The following NDUFA7 variants were observed in gnomAD, a reference collection of about 807,000 sequenced individuals.
NDUFA7 encodes the protein NADH:ubiquinone oxidoreductase subunit A7, also known as NADH dehydrogenase [ubiquinone] 1 alpha subcomplex subunit 7.
In NDUFA7, 18 loss-of-function variants were observed where a neutral mutation model predicts 14.2. That is an observed-to-expected ratio of 1.27 (90% CI 0.88 to 1.88). The LOEUF (loss-of-function observed/expected upper bound fraction) is 1.88. Ranked by LOEUF, NDUFA7 falls within the 40% of genes most tolerant of loss-of-function variation. The pLI, the probability that NDUFA7 is intolerant of heterozygous loss-of-function variation, is 0.00. For missense variants in NDUFA7, 172 were observed against 147.3 expected, an observed-to-expected ratio of 1.17 and a Z score of -0.87; for synonymous variants, 75 against 62.1, an observed-to-expected ratio of 1.21 and a Z score of -0.98.
chr19:8,313,867 G>T (rs1194262103), intron 3 of NDUFA7, among the ~76,000 whole-genome samples: 1 of 152,242 alleles, frequency 6.6e-6, no homozygotes, highest in Non-Finnish European at 1.5e-5. Flanking sequence ...TCTGTGCCAG[G>T]CTCCAAGAGT....
At chr19:8,314,696 G>A (rs1206918644) in intron 3 of NDUFA7, among the ~76,000 whole-genome samples, 2 of 152,206 alleles carry the variant, frequency 1.3e-5, no homozygotes, top group East Asian at 3.8e-4. Context: ...GGCAGATCAT[G>A]AGATCAGGAG....
At chr19:8,310,623 T>C (rs1970166436), downstream of NDUFA7, 1 of 152,188 alleles carries the variant, frequency 6.6e-6, no homozygotes, top group Non-Finnish European at 1.5e-5. Context: ...GAAAGGGCAG[T>C]GCTGTCTCCA....
At position 8,311,287 on chromosome 19, in the gene NDUFA7, C is replaced by T; in HGVS notation, c.*218G>A. The T allele has an allele frequency of 2.8e-6, 1 of 360,438 alleles. No individual in the cohort carries two copies. The highest frequency in any genetic ancestry group is 5.1e-6 in the Non-Finnish European group (1 of 196,016). 22.3% of individuals were successfully genotyped at this position (360,438 alleles called of 1,614,324 possible). On this transcript the variant is annotated 3_prime_UTR_variant, in exon 4 of 4. Transcript: ENST00000301457. ...AGGTGTGGTGGCTCATGCCTGTAAT[C>T]CCAGCACTTTGGGAGGTCAAGGCAG...
chr19:8,318,557 T>C (rs1022155120), intron 2 of NDUFA7, among the ~76,000 whole-genome samples: 4 of 150,240 alleles, frequency 2.7e-5, no homozygotes, highest in African/African-American at 9.9e-5. Context: ...TCCCAGCTAC[T>C]TGGTACGCTG....
chr19:8,320,370 A>G (rs544334788), intron 2 of NDUFA7, among the ~76,000 whole-genome samples: 2 of 152,296 alleles, frequency 1.3e-5, no homozygotes, highest in Admixed American at 6.5e-5. Flanking sequence ...TGTGGCGTCC[A>G]TGAAAGAATG....
intron 3 of NDUFA7, among the ~76,000 whole-genome samples, chr19:8,315,896 T>C (rs1410468210): frequency 1.3e-5 from 2 of 151,962 alleles, no homozygotes; most frequent in Non-Finnish European, 2.9e-5. Flanking sequence ...GGGTCACGCC[T>C]GTAATCCTAG....
intron 3 of NDUFA7, among the ~76,000 whole-genome samples, chr19:8,314,729 C>G (rs965086287): frequency 2.0e-5 from 3 of 152,144 alleles, no homozygotes; most frequent in South Asian, 2.1e-4. Flanking sequence ...CTGGCTAACA[C>G]GGTGAAACCC....
intron 3 of NDUFA7, 59 bp downstream of exon 3, chr19:8,316,435 GAC>G (rs561540825): frequency 8.9e-5 from 141 of 1,591,256 alleles, no homozygotes; most frequent in Non-Finnish European, 1.1e-4. Flanking sequence ...CAAGTTGGGA[GAC>G]AGAGTGGGTT....
intron 3 of NDUFA7, 22 bp from the exon 4 acceptor site, chr19:8,311,617 G>C (rs201843153): frequency 6.3e-7 from 1 of 1,599,262 alleles, no homozygotes; most frequent in Non-Finnish European, 8.6e-7. Flanking sequence ...AAAGACTTCA[G>C]TGAGGGTTTC....
downstream of NDUFA7, among the ~76,000 whole-genome samples, chr19:8,309,524 G>A (rs556328817): frequency 2.0e-5 from 3 of 151,752 alleles, no homozygotes; most frequent in African/African-American, 4.8e-5. Context: ...TGCCGTCAGC[G>A]GCATGCCTTG....
downstream of NDUFA7, among the ~76,000 whole-genome samples, chr19:8,310,025 C>T (rs1339539859): frequency 6.6e-6 from 1 of 152,242 alleles, no homozygotes; most frequent in Non-Finnish European, 1.5e-5. Context: ...GCAGCCCTTA[C>T]TGTCCTCTGC....
In NDUFA7 at chr19:8,311,314, AG is replaced by A. The variant is rs1970173916; in HGVS notation, c.*190del. ...CAGCACTTTGGGAGGTCAAGGCAGG[AG>A]GATCGCTTGAGGCCAGGAGTTCAAG... On this transcript the variant is annotated 3_prime_UTR_variant, in exon 4 of 4. Coordinates refer to ENST00000301457, the MANE Select transcript of NDUFA7 (RefSeq NM_005001.5). 2.3e-6 allele frequency: 1 copy of A among 428,784 alleles called. No individual in the cohort carries two copies. Among genetic ancestry groups the A allele is most frequent in the South Asian group, 2.8e-5 (1 of 35,678 alleles). 26.6% of individuals were successfully genotyped at this position (428,784 alleles called of 1,614,324 possible). A position where few individuals can be genotyped will look rare whatever the true frequency, so the allele number is the denominator to read the frequency against.
At chr19:8,319,677 T>C (rs1437453697) in intron 2 of NDUFA7, 1 of 152,132 alleles carries the variant, frequency 6.6e-6, no homozygotes, top group Non-Finnish European at 1.5e-5. Context: ...TTTTCTTCCT[T>C]TCATTATAAT....
intron 3 of NDUFA7, among the ~76,000 whole-genome samples, chr19:8,314,770 A>G (rs1464282507): frequency 6.6e-6 from 1 of 152,066 alleles, no homozygotes; most frequent in Non-Finnish European, 1.5e-5. Flanking sequence ...AAACTTAGCC[A>G]GGTGTAGTGG....
intron 3 of NDUFA7, among the ~76,000 whole-genome samples, chr19:8,313,666 G>A (rs528761662): frequency 3.3e-5 from 5 of 152,340 alleles, no homozygotes; most frequent in East Asian, 3.9e-4. Context: ...TGCCCACACC[G>A]TGAGTTGGCT....
intron 2 of NDUFA7, among the ~76,000 whole-genome samples, chr19:8,320,441 G>C (rs904753680): frequency 2.0e-5 from 3 of 152,110 alleles, no homozygotes; most frequent in Non-Finnish European, 4.4e-5. Context: ...ACATGACGGG[G>C]GCTTGTAAAT....
Position 8,321,350 on chromosome 19 carries a change from G to C in NDUFA7, c.9C>G (p.Ser3=). 1 of 1,576,466 alleles carries C rather than the reference G, an allele frequency of 6.3e-7. No individual in the cohort carries two copies. The highest frequency in any genetic ancestry group is 8.6e-7 in the Non-Finnish European group (1 of 1,163,474). ...GCAGCCGCTGGATGAGACGGGTGGCGGACGCCATCTTCCGTCCGCGATACT... is the reference window on the plus strand; with the variant it reads ...GCAGCCGCTGGATGAGACGGGTGGCCGACGCCATCTTCCGTCCGCGATACT... MA[S]ATRLIQRLRN... is the part of the protein sequence containing the mutation. The change falls in exon 1 of 4, where the codon TCC becomes TCG. Residue 3 remains serine (S), a synonymous_variant. Coordinates refer to ENST00000301457, the MANE Select transcript of NDUFA7 (RefSeq NM_005001.5).
downstream of NDUFA7, among the ~76,000 whole-genome samples, chr19:8,309,361 C>T (rs368413762): frequency 8.7e-4 from 133 of 152,072 alleles, no homozygotes; most frequent in African/African-American, 3.1e-3. Flanking sequence ...GTAGTCCCAG[C>T]TACTAGGGAG....
downstream of NDUFA7, among the ~76,000 whole-genome samples, chr19:8,311,008 T>C (rs1778112126): frequency 6.6e-6 from 1 of 152,120 alleles, no homozygotes; most frequent in Non-Finnish European, 1.5e-5. Flanking sequence ...GCGCGAAAAC[T>C]CTGGCTCCTG....
Sources: gnomAD v4.1 joint callset for allele counts (sites outside exome capture counted in the v4.1 genomes callset) on GRCh38, gnomAD v4.1.1 for gene constraint, MANE v1.5 for transcripts, NCBI Gene and HGNC (gene_info 2026-07-23, HGNC 2026-07-21) for gene names.